SH3GL3: variants seen among roughly 807,000 people sequenced by gnomAD.
SH3GL3 encodes SH3 domain containing GRB2 like 3, endophilin A3.
SH3GL3 carries 33 observed loss-of-function variants against 47.7 expected under a neutral mutation model. That is an observed-to-expected ratio of 0.69 (90% CI 0.52 to 0.92). The LOEUF is 0.92. Among genes scored for constraint, SH3GL3 ranks in the 40% least tolerant of loss-of-function variants. The pLI is 0.00. For synonymous variants in SH3GL3, 155 were observed against 148.8 expected, an observed-to-expected ratio of 1.04 and a Z score of -0.30; for missense variants, 363 against 417.8, an observed-to-expected ratio of 0.87 and a Z score of 1.14.
At chr15:83,564,024 T>C (rs1377742802) in intron 2 of SH3GL3, among the ~76,000 whole-genome samples, 1 of 152,222 alleles carries the variant, frequency 6.6e-6, no homozygotes, top group Non-Finnish European at 1.5e-5. Context: ...TCTTTTCATG[T>C]TCAGTTTTTA....
intron 1 of SH3GL3, among the ~76,000 whole-genome samples, chr15:83,463,767 C>CT (rs910419812): frequency 0.067 from 8,247 of 122,988 alleles, 1,071 homozygotes; most frequent in African/African-American, 0.23. Flanking sequence ...TTCTTTCTTT[C>CT]TTTTTTTTTT....
At chr15:83,596,847 A>G (rs906846669) in intron 8 of SH3GL3, among the ~76,000 whole-genome samples, 2 of 152,058 alleles carry the variant, frequency 1.3e-5, no homozygotes, top group Non-Finnish European at 2.9e-5. Context: ...GTAAACAACT[A>G]CTAGAGGTTG....
the SH3GL3 span, among the ~76,000 whole-genome samples, chr15:83,629,682 C>T: frequency 5.3e-4 from 81 of 152,162 alleles, no homozygotes; most frequent in Non-Finnish European, 9.3e-4. Context: ...TATCCAGGTA[C>T]GGTGGCATGC....
intron 1 of SH3GL3, among the ~76,000 whole-genome samples, chr15:83,532,540 G>C (rs1412484691): frequency 6.6e-6 from 1 of 152,224 alleles, no homozygotes; most frequent in Non-Finnish European, 1.5e-5. Context: ...CTAGGAGCCT[G>C]AATTTATCCT....
At chr15:83,581,526 C>T (rs954472088) in intron 6 of SH3GL3, among the ~76,000 whole-genome samples, 7 of 152,206 alleles carry the variant, frequency 4.6e-5, no homozygotes, top group Non-Finnish European at 1.0e-4. Flanking sequence ...AGATGACACA[C>T]GATCTTGTGG....
chr15:83,466,243 G>A (rs2040561488), intron 1 of SH3GL3, among the ~76,000 whole-genome samples: 1 of 152,092 alleles, frequency 6.6e-6, no homozygotes, highest in East Asian at 1.9e-4. Flanking sequence ...GTAATCCATG[G>A]TATGGATGTA....
At chr15:83,617,103 T>C (rs566036729) in intron 8 of SH3GL3, among the ~76,000 whole-genome samples, 2 of 152,236 alleles carry the variant, frequency 1.3e-5, no homozygotes, top group South Asian at 4.1e-4. Flanking sequence ...CTGACTTTTC[T>C]TTCTCCACTT....
At chr15:83,461,668 T>C (rs28862594) in intron 1 of SH3GL3, among the ~76,000 whole-genome samples, 27,495 of 152,074 alleles carry the variant, frequency 0.18, 2,893 homozygotes, top group South Asian at 0.45. Context: ...AATAACAAGA[T>C]ACAATTTAAA....
intron 1 of SH3GL3, among the ~76,000 whole-genome samples, chr15:83,499,883 C>G (rs2042227858): frequency 6.6e-6 from 1 of 152,146 alleles, no homozygotes; most frequent in Admixed American, 6.5e-5. Flanking sequence ...GAATAAAATC[C>G]TGGAAGATGA....
the SH3GL3 span, among the ~76,000 whole-genome samples, chr15:83,633,240 G>A: frequency 6.6e-6 from 1 of 152,188 alleles, no homozygotes; most frequent in African/African-American, 2.4e-5. Context: ...AGAGAACATA[G>A]TAAGAAATTA....
the SH3GL3 span, among the ~76,000 whole-genome samples, chr15:83,628,713 C>T: frequency 2.0e-5 from 3 of 152,066 alleles, no homozygotes; most frequent in African/African-American, 7.2e-5. Flanking sequence ...ATTCACTGCC[C>T]TCTACCCTGG....
intron 1 of SH3GL3, among the ~76,000 whole-genome samples, chr15:83,499,732 G>A (rs1306791235): frequency 6.6e-6 from 1 of 152,106 alleles, no homozygotes; most frequent in African/African-American, 2.4e-5. Context: ...CTGTAAACCT[G>A]AGTAAATGAT....
chr15:83,623,724 C>A (rs181254771), downstream of SH3GL3, among the ~76,000 whole-genome samples: 1 of 152,200 alleles, frequency 6.6e-6, no homozygotes, highest in Admixed American at 6.5e-5. Flanking sequence ...TCAAGCTTAT[C>A]GCTCTGGCTT....
intron 6 of SH3GL3, among the ~76,000 whole-genome samples, chr15:83,586,216 A>G (rs1193587545): frequency 6.6e-6 from 1 of 152,166 alleles, no homozygotes; most frequent in African/African-American, 2.4e-5. Flanking sequence ...CCCCTCAGAC[A>G]CGTGGGGGAG....
At chr15:83,565,090 T>C (rs1172484004) in intron 2 of SH3GL3, 44 bp from the exon 3 acceptor site, 2 of 812,176 alleles carry the variant, frequency 2.5e-6, no homozygotes, top group African/African-American at 1.7e-5. Context: ...TGTGATTTTA[T>C]TGAGTTTGTC....
chr15:83,629,674 T>G, the SH3GL3 span, among the ~76,000 whole-genome samples: 1 of 152,062 alleles, frequency 6.6e-6, no homozygotes, highest in Non-Finnish European at 1.5e-5. Flanking sequence ...TTAAAAATTA[T>G]CCAGGTACGG....
chr15:83,603,403 T>C (rs1199479435), intron 8 of SH3GL3, among the ~76,000 whole-genome samples: 1 of 152,218 alleles, frequency 6.6e-6, no homozygotes, highest in Non-Finnish European at 1.5e-5. Context: ...CTTTCATTTC[T>C]TTCCTTCCTT....
rs1401403279 is a variant in SH3GL3 at position 83,492,252 on chromosome 15, G to A, written c.45+44674G>A. On this transcript the variant is annotated intron_variant, in intron 1 of 8. Transcript: ENST00000427482. ...GAGCCAAGATCGCCACTGTACTGCAGCCTGGTGACAGAGCAAGACTCCCTC... is the reference window on the plus strand; with the variant it reads ...GAGCCAAGATCGCCACTGTACTGCAACCTGGTGACAGAGCAAGACTCCCTC... Among the ~76,000 whole-genome samples, 4 of 121,828 alleles carry A rather than the reference G, an allele frequency of 3.3e-5. No homozygotes were observed. In the East Asian group the frequency reaches 1.0e-3, roughly 31 times the overall value. The allele number at this position is 121,828 out of a possible 152,430, so 79.9% of individuals were successfully genotyped here. A position where few individuals can be genotyped will look rare whatever the true frequency, so the allele number is the denominator to read the frequency against.
intron 4 of SH3GL3, among the ~76,000 whole-genome samples, chr15:83,571,501 G>A (rs868525104): frequency 6.6e-6 from 1 of 152,124 alleles, no homozygotes; most frequent in African/African-American, 2.4e-5. Context: ...CACTGGGTCC[G>A]TATGGAGTCC....
Sources: allele counts gnomAD v4.1 joint callset (sites outside exome capture counted in the v4.1 genomes callset), GRCh38; gene constraint gnomAD v4.1.1; transcripts MANE v1.5; gene names NCBI Gene and HGNC (gene_info 2026-07-23, HGNC 2026-07-21).